ENOSF1: variants seen among roughly 807,000 people sequenced by gnomAD.
ENOSF1 encodes the protein enolase superfamily member 1, also known as mitochondrial enolase superfamily member 1.
ENOSF1 carries 73 observed loss-of-function variants against 68.2 expected under a neutral mutation model. The observed-to-expected ratio is 1.07, with a 90% CI of 0.89 to 1.30. The LOEUF (loss-of-function observed/expected upper bound fraction) is 1.30. Among genes scored for constraint, ENOSF1 ranks in the 50% most tolerant of loss-of-function variants. ENOSF1 has a pLI of 0.00. For synonymous variants in ENOSF1, 223 were observed against 210.4 expected, an observed-to-expected ratio of 1.06 and a Z score of -0.52; for missense variants, 589 against 554.5, an observed-to-expected ratio of 1.06 and a Z score of -0.62.
chr18:696,907 A>C (rs896607019), intron 3 of ENOSF1, among the ~76,000 whole-genome samples: 2 of 152,174 alleles, frequency 1.3e-5, no homozygotes, highest in African/African-American at 4.8e-5. Flanking sequence ...ACTTGAGGTC[A>C]GGAGTTCGAG....
chr18:694,942 G>A (rs960217699), intron 3 of ENOSF1, among the ~76,000 whole-genome samples: 1 of 152,082 alleles, frequency 6.6e-6, no homozygotes, highest in Middle Eastern at 3.2e-3. Context: ...ATACATCAGT[G>A]TATAGTTCCT....
downstream of ENOSF1, among the ~76,000 whole-genome samples, chr18:666,437 C>T (rs1386678644): frequency 2.0e-5 from 3 of 152,206 alleles, no homozygotes; most frequent in East Asian, 5.8e-4. Flanking sequence ...CACTCCTGGA[C>T]TTCCACTTTC....
At chr18:705,315 G>T (rs553488332) in intron 2 of ENOSF1, among the ~76,000 whole-genome samples, 6 of 152,266 alleles carry the variant, frequency 3.9e-5, no homozygotes, top group African/African-American at 1.4e-4. Context: ...TTGATCTGGC[G>T]AAGGCCACTG....
chr18:664,597 G>T, the ENOSF1 span, among the ~76,000 whole-genome samples: 1 of 137,064 alleles, frequency 7.3e-6, no homozygotes, highest in African/African-American at 3.0e-5. Flanking sequence ...TCTTGTGCCA[G>T]TTTTCAAAGG....
intron 2 of ENOSF1, among the ~76,000 whole-genome samples, chr18:705,759 A>G (rs2078859729): frequency 6.6e-6 from 1 of 152,110 alleles, no homozygotes; most frequent in South Asian, 2.1e-4. Context: ...CTGTAATCCC[A>G]GCACTTTGCG....
Position 671,822 on chromosome 18 carries a change from G to A in ENOSF1, c.*2483C>T. The A allele has an allele frequency of 4.1e-6, 1 of 244,762 alleles. No homozygotes were observed. The highest frequency in any genetic ancestry group is 4.8e-5 in the South Asian group (1 of 20,836). The allele number at this position is 244,762 out of a possible 1,614,324, so 15.2% of individuals were successfully genotyped here. The stretch of plus-strand genomic sequence containing the variant: ...AGATGGAGTCTTTCTCTGTCGGCCA[G>A]GCTGGAGTGTGCCGTGGTGCGATCT... On this transcript the variant is annotated 3_prime_UTR_variant, in exon 16 of 16. Transcript: ENST00000647584.
At chr18:703,573 C>T (rs1178901389) in intron 2 of ENOSF1, among the ~76,000 whole-genome samples, 2 of 152,182 alleles carry the variant, frequency 1.3e-5, no homozygotes, top group Non-Finnish European at 2.9e-5. Flanking sequence ...CTGGGGAAAA[C>T]TTTAACAGTA....
chr18:694,851 A>G (rs1051561458), intron 3 of ENOSF1, among the ~76,000 whole-genome samples: 2 of 152,188 alleles, frequency 1.3e-5, no homozygotes, highest in African/African-American at 4.8e-5. Flanking sequence ...ATGTATATAC[A>G]TATGAACACA....
rs555870186 is a variant in ENOSF1, at chr18:691,775, C to T, written c.424-499G>A. ...GGCTCCTCACTGCCCCTGACGAAGC[C>T]CTCAAACGCTCATGCTCTGATCCCT... On this transcript the variant is annotated intron_variant, in intron 5 of 15. Transcript: ENST00000647584. 49 of 154,968 alleles carry T rather than the reference C, an allele frequency of 3.2e-4. 1 individual carries two copies. The highest frequency in any genetic ancestry group is 1.1e-4 in the Non-Finnish European group (8 of 70,070). The allele number at this position is 154,968 out of a possible 1,614,324, so 9.6% of individuals were successfully genotyped here.
At chr18:679,826 G>A (rs2075898338) in intron 11 of ENOSF1, among the ~76,000 whole-genome samples, 1 of 152,156 alleles carries the variant, frequency 6.6e-6, no homozygotes, top group Non-Finnish European at 1.5e-5. Flanking sequence ...GGTAGCCTTG[G>A]TTCCTCCCTG....
At chr18:709,200 C>G (rs762834196) in intron 1 of ENOSF1, among the ~76,000 whole-genome samples, 1 of 152,090 alleles carries the variant, frequency 6.6e-6, no homozygotes, top group Non-Finnish European at 1.5e-5. Flanking sequence ...CTGGGAGTCT[C>G]CGGCATAAAG....
chr18:706,962 G>A (rs2079013912), intron 1 of ENOSF1, among the ~76,000 whole-genome samples: 1 of 151,722 alleles, frequency 6.6e-6, no homozygotes, highest in South Asian at 2.1e-4. Flanking sequence ...GGGATTACAG[G>A]CACGTGCCAC....
At chr18:687,079 A>C (rs1000931877) in intron 9 of ENOSF1, 1 of 152,218 alleles carries the variant, frequency 6.6e-6, no homozygotes, top group Non-Finnish European at 1.5e-5. Flanking sequence ...AGCTGCTCTG[A>C]ATCCTGCCCT....
chr18:694,856 A>AAC (rs2077561316), intron 3 of ENOSF1, among the ~76,000 whole-genome samples: 1 of 152,080 alleles, frequency 6.6e-6, no homozygotes, highest in Non-Finnish European at 1.5e-5. Flanking sequence ...TATACATATG[A>AAC]ACACACACAC....
intron 1 of ENOSF1, among the ~76,000 whole-genome samples, chr18:710,146 T>A (rs11876668): frequency 0.13 from 20,056 of 152,058 alleles, 1,400 homozygotes; most frequent in East Asian, 0.25. Flanking sequence ...TCTCTCTCTC[T>A]CACCCAGGCT....
rs185056944 is a variant in ENOSF1 at position 678,191 on chromosome 18, G to A, written c.919-319C>T. On this transcript the variant is annotated intron_variant, in intron 12 of 15. Coordinates refer to ENST00000647584, the MANE Select transcript of ENOSF1 (RefSeq NM_017512.7). ...GAGATGAAGCATCAGGATGAAATAC[G>A]GTGACAGTGATGAGCAGGTGGCACA... is the stretch of plus-strand genomic sequence containing the variant. The A allele has an allele frequency of 8.8e-4, 273 of 310,908 alleles. 2 individuals are homozygous for A. The Middle Eastern group carries it at 0.013, about 15-fold the overall frequency. The allele number at this position is 310,908 out of a possible 1,614,324, so 19.3% of individuals were successfully genotyped here. A position where few individuals can be genotyped will look rare whatever the true frequency, so the allele number is the denominator to read the frequency against.
rs2075001973 is a variant in ENOSF1 at position 670,666 on chromosome 18, C to T, written c.*3639G>A. On this transcript the variant is annotated 3_prime_UTR_variant, in exon 16 of 16. Transcript: ENST00000647584. ...GTGGTCTTTCAAACCACCATCCCTC[C>T]TTATCTTCCTCTGCTGGTTCCTCAG... 5.6e-6 allele frequency: 9 copies of T among 1,611,646 alleles called. No individual in the cohort carries two copies. The highest frequency in any genetic ancestry group is 7.6e-6 in the Non-Finnish European group (9 of 1,178,482).
rs547038721 is a variant in ENOSF1 at position 688,282 on chromosome 18, C to G, written c.653+292G>C. 8.6e-5 allele frequency: 31 copies of G among 360,734 alleles called. 1 individual carries two copies. In the South Asian group the frequency reaches 1.3e-3, roughly 16 times the overall value. The allele number at this position is 360,734 out of a possible 1,614,324, so 22.3% of individuals were successfully genotyped here. A position where few individuals can be genotyped will look rare whatever the true frequency, so the allele number is the denominator to read the frequency against. ...GGAGATGTTCATGCAGAAACTGAAT[C>G]AACGCTGTTACTGACAGTAAAGACT... On this transcript the variant is annotated intron_variant, in intron 9 of 15. Transcript: ENST00000647584.
Position 674,082 on chromosome 18 carries a change from G to A in ENOSF1, c.*223C>T. On this transcript the variant is annotated 3_prime_UTR_variant, in exon 16 of 16. Coordinates refer to ENST00000647584, the MANE Select transcript of ENOSF1 (RefSeq NM_017512.7). ...GTAAGAACATCCTCCTGGACTTTGG[G>A]TTAGTTAAATCTAAACTTATTTAAG... 1 of 407,566 alleles carries A rather than the reference G, an allele frequency of 2.5e-6. No individual in the cohort carries two copies. Among genetic ancestry groups the A allele is most frequent in the Non-Finnish European group, 4.4e-6 (1 of 229,118 alleles). The allele number at this position is 407,566 out of a possible 1,614,324, so 25.2% of individuals were successfully genotyped here.
Sources: allele counts gnomAD v4.1 joint callset (sites outside exome capture counted in the v4.1 genomes callset), GRCh38; gene constraint gnomAD v4.1.1; transcripts MANE v1.5; gene names NCBI Gene and HGNC (gene_info 2026-07-23, HGNC 2026-07-21).